Variants in HEG1 observed in about 807,000 individuals in gnomAD.
The protein encoded by HEG1 is protein HEG homolog 1.
In HEG1, 56 loss-of-function variants were observed where a neutral mutation model predicts 125.6. The observed-to-expected ratio is 0.45, with a 90% CI of 0.36 to 0.56. The LOEUF is 0.56. Among genes scored for constraint, HEG1 ranks in the 20% least tolerant of loss-of-function variants. The pLI, the probability that HEG1 is intolerant of heterozygous loss-of-function variation, is 0.00. For synonymous variants in HEG1, 644 were observed against 668.5 expected (o/e 0.96, Z 0.57); for missense variants, 1,523 against 1,670.0 (o/e 0.91, Z 1.53).
intron 7 of HEG1, 110 bp from the exon 8 acceptor site, chr3:125,009,934 C>T (rs971033953): frequency 8.9e-7 from 1 of 1,122,766 alleles, no homozygotes; most frequent in African/African-American, 1.5e-5. Flanking sequence ...TGTGGTGAGA[C>T]CCCAAAGGAT....
At chr3:125,041,707 C>T (rs1208214122) in intron 1 of HEG1, among the ~76,000 whole-genome samples, 1 of 152,172 alleles carries the variant, frequency 6.6e-6, no homozygotes, top group Non-Finnish European at 1.5e-5. Context: ...AGCTGTCTAT[C>T]AGTAGATGAA....
Position 125,027,490 on chromosome 3 carries a change from G to A in HEG1, c.628C>T (p.Leu210=), listed in dbSNP as rs372172726. ...SGNLASESLH[L]PSSSSEFDER... ...TCGAACTCTGAACTGCTGGATGGCAGGTGAAGACTTTCTGAGGCTGAAAAC... is the reference window on the plus strand; with the variant it reads ...TCGAACTCTGAACTGCTGGATGGCAAGTGAAGACTTTCTGAGGCTGAAAAC... Residue 210 remains leucine, a synonymous_variant, in exon 3 of 17, where the codon CTG becomes TTG. Coordinates refer to ENST00000311127, the MANE Select transcript of HEG1 (RefSeq NM_020733.2). The A allele has an allele frequency of 1.6e-5, 26 of 1,606,416 alleles. No individual in the cohort carries two copies. The highest frequency in any genetic ancestry group is 2.2e-5 in the Non-Finnish European group (26 of 1,176,768).
chr3:125,055,422 C>T (rs1255777391), intron 1 of HEG1, among the ~76,000 whole-genome samples, 153 bp downstream of exon 1: 1 of 152,196 alleles, frequency 6.6e-6, no homozygotes. Context: ...CCCTCCCTAC[C>T]CGCCGACCCT....
chr3:125,017,290 A>G (rs1937265696), intron 5 of HEG1, among the ~76,000 whole-genome samples: 1 of 152,212 alleles, frequency 6.6e-6, no homozygotes, highest in South Asian at 2.1e-4. Context: ...CCTGACCTCA[A>G]GTGATTCACC....
At chr3:125,006,079 C>T (rs1937068029) in intron 8 of HEG1, among the ~76,000 whole-genome samples, 1 of 152,194 alleles carries the variant, frequency 6.6e-6, no homozygotes. Flanking sequence ...CCTATAACCT[C>T]TGTGCCCTGA....
At chr3:124,975,768 T>C (rs1393825277) in intron 15 of HEG1, among the ~76,000 whole-genome samples, 1 of 152,252 alleles carries the variant, frequency 6.6e-6, no homozygotes, top group Non-Finnish European at 1.5e-5. Context: ...GTCATATAAA[T>C]AGAATCATAC....
chr3:125,026,553 T>C (rs1481675497), intron 3 of HEG1, among the ~76,000 whole-genome samples: 4 of 152,182 alleles, frequency 2.6e-5, no homozygotes, highest in African/African-American at 9.7e-5. Context: ...GCTTTTTTTT[T>C]CAAAATGATG....
intron 3 of HEG1, among the ~76,000 whole-genome samples, chr3:125,021,463 C>T (rs1326623192): frequency 6.6e-6 from 1 of 152,178 alleles, no homozygotes; most frequent in Non-Finnish European, 1.5e-5. Context: ...TTAAACAGGA[C>T]TGGCCACTGT....
At chr3:124,974,006 C>T in intron 15 of HEG1, 101 bp from the exon 16 acceptor site, 1 of 781,640 alleles carries the variant, frequency 1.3e-6, no homozygotes, top group Non-Finnish European at 2.0e-6. Flanking sequence ...CTGAAAGCTA[C>T]CATTATATTT....
At position 124,969,796 on chromosome 3, in the gene HEG1, G is replaced by C. The variant is rs1040330633; in HGVS notation, c.*856C>G. On this transcript the variant is annotated 3_prime_UTR_variant, in exon 17 of 17. Transcript: ENST00000311127. The stretch of plus-strand genomic sequence containing the variant: ...GCCTCTGGCCTCCACAATGGTGATC[G>C]AGTCCCAGGCCCCAGGCTGGGCCCT... 1 of 17,498 alleles carries C rather than the reference G, an allele frequency of 5.7e-5. No homozygotes were observed. Among genetic ancestry groups the C allele is most frequent in the South Asian group, 1.1e-3 (1 of 876 alleles). The allele number at this position is 17,498 out of a possible 1,614,324, so 1.1% of individuals were successfully genotyped here.
intron 1 of HEG1, among the ~76,000 whole-genome samples, chr3:125,038,564 G>A (rs1937567326): frequency 6.6e-6 from 1 of 152,334 alleles, no homozygotes; most frequent in Admixed American, 6.5e-5. Flanking sequence ...CACCATTCCA[G>A]GTGGCATCGC....
At chr3:125,006,323 A>C (rs1000543506) in intron 8 of HEG1, among the ~76,000 whole-genome samples, 3 of 152,234 alleles carry the variant, frequency 2.0e-5, no homozygotes, top group African/African-American at 7.2e-5. Flanking sequence ...GTGCTGATTG[A>C]GCCTGAGGGG....
chr3:125,028,030 G>A (rs927617250), intron 2 of HEG1, among the ~76,000 whole-genome samples: 10 of 151,370 alleles, frequency 6.6e-5, no homozygotes, highest in African/African-American at 1.9e-4. Context: ...CATCTCTGAC[G>A]GCTTCATCCT....
rs764322121 is a variant in HEG1 at position 124,970,635 on chromosome 3, C to T, written c.*17G>A. ...AGGTGACTGGCTCAGAGCAATGAGT[C>T]CCTCTCTCTCCTGGACTTAAAAGTA... On this transcript the variant is annotated 3_prime_UTR_variant, in exon 17 of 17. Transcript: ENST00000311127. 2.5e-6 allele frequency: 4 copies of T among 1,585,274 alleles called. No individual in the cohort carries two copies. The Admixed American group carries it at 5.3e-5, about 21-fold the overall frequency.
chr3:125,003,036 T>A (rs1342544934), intron 9 of HEG1, among the ~76,000 whole-genome samples: 2 of 152,214 alleles, frequency 1.3e-5, no homozygotes, highest in Non-Finnish European at 2.9e-5. Flanking sequence ...ATCAGATACA[T>A]GCCACTCTGC....
At chr3:124,975,632 A>G (rs1185613229) in intron 15 of HEG1, among the ~76,000 whole-genome samples, 1 of 152,182 alleles carries the variant, frequency 6.6e-6, no homozygotes, top group African/African-American at 2.4e-5. Flanking sequence ...CAGTTTCATC[A>G]CCCCAAGAAG....
chr3:125,006,150 G>A (rs1579412452), intron 8 of HEG1, among the ~76,000 whole-genome samples: 2 of 152,302 alleles, frequency 1.3e-5, no homozygotes, highest in East Asian at 3.9e-4. Context: ...CCAAGCATGT[G>A]TCGTGGGGCT....
chr3:125,012,228 T>A (rs6772910), intron 6 of HEG1, among the ~76,000 whole-genome samples: 106,263 of 151,984 alleles, frequency 0.7, 37,913 homozygotes, highest in East Asian at 0.92. Flanking sequence ...CAGCCAGGCC[T>A]CCTAAGCTTC....
Position 125,027,252 on chromosome 3 carries a change from T to C in HEG1, c.866A>G (p.His289Arg), listed in dbSNP as rs760381719. ...NSSGPDLSWL[H>R]FYRTAASSPL... ...AGAGGAAGCTGCTGTCCTGTAGAAA[T>C]GCAGCCAGGAGAGATCTGGTCCTGA... Residue 289 changes from histidine (H) to arginine (R), a missense_variant, in exon 3 of 17, where the codon CAT becomes CGT. Transcript: ENST00000311127. 1 of 1,612,518 alleles carries C rather than the reference T, an allele frequency of 6.2e-7. No homozygotes were observed. The highest frequency in any genetic ancestry group is 8.5e-7 in the Non-Finnish European group (1 of 1,179,360).
Sources: allele counts gnomAD v4.1 joint callset (sites outside exome capture counted in the v4.1 genomes callset), GRCh38; gene constraint gnomAD v4.1.1; transcripts MANE v1.5; gene names NCBI Gene and HGNC (gene_info 2026-07-23, HGNC 2026-07-21).